CNGA1: variants seen among roughly 807,000 people sequenced by gnomAD.
CNGA1 encodes cyclic nucleotide-gated channel alpha-1.
CNGA1 carries 53 observed loss-of-function variants against 69.7 expected under a neutral mutation model. The observed-to-expected ratio is 0.76, with a 90% CI of 0.61 to 0.96. The LOEUF (loss-of-function observed/expected upper bound fraction) is 0.96, where lower values mean the gene tolerates loss of function less well. Among genes scored for constraint, CNGA1 ranks in the 40% least tolerant of loss-of-function variants. The pLI is 0.00. For missense variants in CNGA1, 739 were observed against 811.2 expected, an observed-to-expected ratio of 0.91 and a Z score of 1.08; for synonymous variants, 249 against 283.5, an observed-to-expected ratio of 0.88 and a Z score of 1.22.
chr4:48,004,821 T>A (rs1193447221), intron 2 of CNGA1, among the ~76,000 whole-genome samples: 1 of 151,962 alleles, frequency 6.6e-6, no homozygotes, highest in Non-Finnish European at 1.5e-5. Context: ...TTCACAGGGC[T>A]TTATGAATGC....
chr4:47,982,807 G>T (rs1041013517), intron 2 of CNGA1, among the ~76,000 whole-genome samples: 1 of 152,026 alleles, frequency 6.6e-6, no homozygotes, highest in East Asian at 1.9e-4. Flanking sequence ...ATTTCAAAAT[G>T]AACATTCTTT....
intron 2 of CNGA1, among the ~76,000 whole-genome samples, chr4:48,007,157 CA>C (rs1325937018): frequency 6.6e-6 from 1 of 151,782 alleles, no homozygotes; most frequent in Non-Finnish European, 1.5e-5. Context: ...ATTTGTTTTT[CA>C]AAATTTTATA....
At chr4:47,997,708 G>T (rs1429816684) in intron 2 of CNGA1, among the ~76,000 whole-genome samples, 1 of 152,106 alleles carries the variant, frequency 6.6e-6, no homozygotes, top group South Asian at 2.1e-4. Flanking sequence ...ATTACAGATT[G>T]TAGTAATTTT....
rs1578097962 is a variant in CNGA1 at position 47,970,791 on chromosome 4, T to C, written c.-15+10602A>G. ...GGTACCTTGTTATTTTTATATTTTA[T>C]ATACTATATAGTATTTCATCTATGG... On this transcript the variant is annotated intron_variant, in intron 3 of 10. Transcript: ENST00000514170. 3 of 429,178 alleles carry C rather than the reference T, an allele frequency of 7.0e-6. No individual in the cohort carries two copies. In the East Asian group the frequency reaches 2.1e-4, roughly 30 times the overall value. The allele number at this position is 429,178 out of a possible 1,614,324, so 26.6% of individuals were successfully genotyped here.
intron 3 of CNGA1, among the ~76,000 whole-genome samples, chr4:47,957,934 G>A (rs58024059): frequency 0.65 from 93,271 of 144,534 alleles, 30,163 homozygotes; most frequent in Admixed American, 0.68. Context: ...TTGCTCTGTC[G>A]CCCAGGATGG....
At chr4:48,000,456 G>A (rs561409311) in intron 2 of CNGA1, among the ~76,000 whole-genome samples, 4 of 151,142 alleles carry the variant, frequency 2.6e-5, no homozygotes, top group Admixed American at 6.6e-5. Context: ...CGCAACCTCC[G>A]CCTCCCAGTT....
intron 1 of CNGA1, among the ~76,000 whole-genome samples, chr4:48,012,131 C>G (rs1350835254): frequency 1.3e-5 from 2 of 152,118 alleles, no homozygotes; most frequent in Admixed American, 1.3e-4. Flanking sequence ...AATGCTATGT[C>G]AGAGTCAAGT....
chr4:47,936,549 C>T lies in CNGA1; in HGVS notation c.1933G>A (p.Glu645Lys). Reference protein sequence around the residue: ...TRFARILAEYESMQQKLKQRL... With the variant: ...TRFARILAEYKSMQQKLKQRL... ...TGTTTCAGTTTCTGCTGCATGGACT[C>T]ATACTCAGCCAAGATTCGGGCAAAC... Residue 645 changes from glutamate (E) to lysine (K), a missense_variant, in exon 11 of 11, where the codon GAG becomes AAG. Transcript: ENST00000514170. The T allele has an allele frequency of 1.2e-6, 2 of 1,614,182 alleles. No homozygotes were observed. The highest frequency in any genetic ancestry group is 1.7e-6 in the Non-Finnish European group (2 of 1,180,020).
chr4:47,943,249 C>T lies in CNGA1; in HGVS notation c.369G>A (p.Glu123=), dbSNP rs1477757686. ...DDKNENKNDP[E]KKKKKKDKEK... Reference sequence around the variant, plus strand: ...CTTTGTCCTTTTTCTTCTTTTTCTTCTCTGGGTCGTTTTTATTTTCGTTTT... The same window carrying T: ...CTTTGTCCTTTTTCTTCTTTTTCTTTTCTGGGTCGTTTTTATTTTCGTTTT... Residue 123 remains glutamate (E), a synonymous_variant, in exon 8 of 11, where the codon GAG becomes GAA. Coordinates refer to ENST00000514170, the MANE Select transcript of CNGA1 (RefSeq NM_001379270.1). The T allele has an allele frequency of 1.3e-6, 2 of 1,578,962 alleles. No individual in the cohort carries two copies. Among genetic ancestry groups the T allele is most frequent in the South Asian group, 1.2e-5 (1 of 86,380 alleles).
chr4:47,989,865 A>G (rs3113882), intron 2 of CNGA1, among the ~76,000 whole-genome samples: 123,148 of 151,474 alleles, frequency 0.81, 50,857 homozygotes, highest in Non-Finnish European at 0.88. Context: ...CAAGAACCCC[A>G]AACGGAGGGA....
chr4:47,941,023 C>T (rs903067520), intron 9 of CNGA1, among the ~76,000 whole-genome samples, 154 bp from the exon 10 acceptor site: 7 of 152,106 alleles, frequency 4.6e-5, no homozygotes, highest in African/African-American at 1.2e-4. Context: ...ATGGCTCTCC[C>T]GATATTTTCC....
intron 3 of CNGA1, among the ~76,000 whole-genome samples, chr4:47,957,293 T>C (rs1740145668): frequency 6.6e-6 from 1 of 152,098 alleles, no homozygotes; most frequent in Non-Finnish European, 1.5e-5. Context: ...TCTCCTTAAA[T>C]ATATTCATGG....
Position 47,943,267 on chromosome 4 carries a change from T to A in CNGA1, c.351A>T (p.Glu117Asp), listed in dbSNP as rs1458761447. 6.4e-7 allele frequency: 1 copy of A among 1,557,890 alleles called. No homozygotes were observed. Among genetic ancestry groups the A allele is most frequent in the Non-Finnish European group, 8.7e-7 (1 of 1,150,990 alleles). The change falls in exon 8 of 11, where the codon GAA becomes GAT. Residue 117 changes from glutamate to aspartate, a missense_variant. Coordinates refer to ENST00000514170, the MANE Select transcript of CNGA1 (RefSeq NM_001379270.1). The stretch of plus-strand genomic sequence containing the variant: ...TTTTCTTCTCTGGGTCGTTTTTATT[T>A]TCGTTTTTATCATCTGACTTGCTGA... ...EKKSKSDDKN[E>D]NKNDPEKKKK...
At chr4:48,010,007 AC>A (rs1715082976) in intron 2 of CNGA1, among the ~76,000 whole-genome samples, 1 of 152,030 alleles carries the variant, frequency 6.6e-6, no homozygotes, top group Admixed American at 6.5e-5. Context: ...ATTCATAAAG[AC>A]CTTTTTTTTT....
chr4:47,990,922 C>A (rs1046207986), intron 2 of CNGA1, among the ~76,000 whole-genome samples: 3 of 152,170 alleles, frequency 2.0e-5, no homozygotes, highest in Non-Finnish European at 4.4e-5. Flanking sequence ...TGAGTTACTT[C>A]ACTTAGAATA....
At chr4:47,951,531 A>G in intron 4 of CNGA1, 62 bp from the exon 5 acceptor site, 1 of 1,041,554 alleles carries the variant, frequency 9.6e-7, no homozygotes, top group South Asian at 1.3e-5. Flanking sequence ...CAGAGAGGCA[A>G]CATTCCTCAC....
chr4:47,969,075 T>C lies in CNGA1; in HGVS notation c.-15+12318A>G, dbSNP rs116382683. ...CATGTTTACTTTAGGAAGACTAATA[T>C]AGTAGTTTTGTGTAAGGTAAAGTGG... On this transcript the variant is annotated intron_variant, in intron 3 of 10. Transcript: ENST00000514170. 9.0e-3 allele frequency among the ~76,000 whole-genome samples: 1,377 copies of C among 152,216 alleles called. 18 individuals are homozygous for C. The highest frequency in any genetic ancestry group is 0.03 in the African/African-American group (1,259 of 41,526).
chr4:47,957,918 G>A (rs1457974717), intron 3 of CNGA1, among the ~76,000 whole-genome samples: 1 of 140,090 alleles, frequency 7.1e-6, no homozygotes, highest in Admixed American at 7.3e-5. Flanking sequence ...TTTTTGAGAT[G>A]GAGTCTTGCT....
intron 3 of CNGA1, among the ~76,000 whole-genome samples, chr4:47,980,518 A>G (rs1741646909): frequency 7.2e-6 from 1 of 138,288 alleles, no homozygotes; most frequent in Non-Finnish European, 1.5e-5. Flanking sequence ...TCTTTCACTC[A>G]GGCTGGAGTG....
Sources: gnomAD v4.1 joint callset for allele counts (sites outside exome capture counted in the v4.1 genomes callset) on GRCh38, gnomAD v4.1.1 for gene constraint, MANE v1.5 for transcripts, NCBI Gene and HGNC (gene_info 2026-07-23, HGNC 2026-07-21) for gene names.